ERAP1: variants seen among roughly 807,000 people sequenced by gnomAD.
ERAP1 encodes adipocyte-derived leucine aminopeptidase.
Under a neutral mutation model 103.7 loss-of-function variants are expected in ERAP1, and 86 were observed. The observed-to-expected ratio is 0.83, with a 90% CI of 0.70 to 0.99. ERAP1 has a LOEUF of 0.99. Ranked by LOEUF, ERAP1 falls within the 50% of genes least tolerant of loss-of-function variation. The pLI is 0.00. For missense variants in ERAP1, 1,009 were observed against 1,128.4 expected, an observed-to-expected ratio of 0.89 and a Z score of 1.52; for synonymous variants, 398 against 402.4, an observed-to-expected ratio of 0.99 and a Z score of 0.13.
chr5:96,790,437 CAT>C, intron 9 of ERAP1, 70 bp from the exon 10 acceptor site: 1 of 1,609,244 alleles, frequency 6.2e-7, no homozygotes, highest in Non-Finnish European at 8.5e-7. Context: ...GAGGGATTAA[CAT>C]AATGCAGGGA....
the ERAP1 span, among the ~76,000 whole-genome samples, chr5:96,913,126 A>G: frequency 6.6e-6 from 1 of 152,200 alleles, no homozygotes; most frequent in Non-Finnish European, 1.5e-5. Context: ...TAATAAGTAA[A>G]TGTTTTTGAT....
At chr5:96,859,546 C>G in the ERAP1 span, among the ~76,000 whole-genome samples, 3 of 152,116 alleles carry the variant, frequency 2.0e-5, no homozygotes, top group African/African-American at 7.2e-5. Flanking sequence ...CAATGTCACA[C>G]AAGCTGCACA....
chr5:96,885,538 A>G, the ERAP1 span, among the ~76,000 whole-genome samples: 1 of 152,246 alleles, frequency 6.6e-6, no homozygotes, highest in Non-Finnish European at 1.5e-5. Context: ...ATTTAGTAGC[A>G]AAAACATTTG....
the ERAP1 span, among the ~76,000 whole-genome samples, chr5:96,823,414 G>T: frequency 6.6e-6 from 1 of 152,236 alleles, no homozygotes; most frequent in African/African-American, 2.4e-5. Context: ...CCTCATTCGA[G>T]TCCACAGTAT....
chr5:96,795,105 C>T lies in ERAP1; in HGVS notation c.856G>A (p.Ala286Thr), dbSNP rs1777199783. 4 of 1,613,842 alleles carry T rather than the reference C, an allele frequency of 2.5e-6. No homozygotes were observed. The highest frequency in any genetic ancestry group is 3.4e-6 in the Non-Finnish European group (4 of 1,179,958). Residue 286 changes from alanine to threonine, a missense_variant, in exon 5 of 19, where the codon GCG becomes ACG. Ala to Thr is a moderately conservative substitution (Grantham distance 58). This residue lies in a region of ERAP1 where 392 missense variants were observed against 455.2 expected (regional missense o/e 0.86). Transcript: ENST00000443439. ...INQADYALDA[A>T]VTLLEFYEDY... ...TCATAAAATTCTAGAAGAGTCACCG[C>T]AGCATCCAGTGCATAATCTGCTTGA...
the ERAP1 span, among the ~76,000 whole-genome samples, chr5:96,863,862 T>G: frequency 6.6e-6 from 1 of 152,076 alleles, no homozygotes; most frequent in South Asian, 2.1e-4. Flanking sequence ...AAAAATCTCA[T>G]CTCAATCACT....
At chr5:96,932,962 A>G in the ERAP1 span, among the ~76,000 whole-genome samples, 1 of 152,144 alleles carries the variant, frequency 6.6e-6, no homozygotes, top group South Asian at 2.1e-4. Flanking sequence ...ATAATAACTT[A>G]AACTGTCATA....
chr5:96,877,355 G>T, the ERAP1 span, among the ~76,000 whole-genome samples: 22 of 152,338 alleles, frequency 1.4e-4, no homozygotes, highest in African/African-American at 5.1e-4. Context: ...AAGACTGTGT[G>T]AGTAAAGCTT....
the ERAP1 span, among the ~76,000 whole-genome samples, chr5:96,889,750 A>G: frequency 1.3e-5 from 2 of 152,026 alleles, no homozygotes; most frequent in Non-Finnish European, 2.9e-5. Context: ...CTTCTGTGGG[A>G]GGGAAACACA....
At chr5:96,813,368 CT>C in the ERAP1 span, among the ~76,000 whole-genome samples, 2 of 151,972 alleles carry the variant, frequency 1.3e-5, no homozygotes, top group South Asian at 4.2e-4. Flanking sequence ...TTAAAATGAC[CT>C]CTAGGCCAGG....
chr5:96,775,215 A>C lies in ERAP1; in HGVS notation c.*1181T>G. ...TTCTATTATTATCATCTATACATAA[A>C]ACCTGAGCAGCAACTGTGTGCTGAA... On this transcript the variant is annotated 3_prime_UTR_variant, in exon 19 of 19. Transcript: ENST00000443439. The C allele has an allele frequency of 1.0e-6, 1 of 985,582 alleles. No individual in the cohort carries two copies. Among genetic ancestry groups the C allele is most frequent in the Non-Finnish European group, 1.2e-6 (1 of 829,940 alleles). The allele number at this position is 985,582 out of a possible 1,614,324, so 61.1% of individuals were successfully genotyped here.
the ERAP1 span, among the ~76,000 whole-genome samples, chr5:96,829,071 C>T: frequency 6.6e-6 from 1 of 152,182 alleles, no homozygotes; most frequent in South Asian, 2.1e-4. Flanking sequence ...TGGTCTCAAT[C>T]TCCTGACCTT....
chr5:96,898,217 A>T, the ERAP1 span, among the ~76,000 whole-genome samples: 1 of 151,958 alleles, frequency 6.6e-6, no homozygotes, highest in Non-Finnish European at 1.5e-5. Flanking sequence ...TAATAACAAT[A>T]ATTAATAATA....
the ERAP1 span, among the ~76,000 whole-genome samples, chr5:96,853,021 AC>A: frequency 6.6e-6 from 1 of 151,672 alleles, no homozygotes; most frequent in Non-Finnish European, 1.5e-5. Context: ...TTTTATTAAA[AC>A]CCTTCTCTTG....
chr5:96,892,634 A>G, the ERAP1 span, among the ~76,000 whole-genome samples: 1 of 152,206 alleles, frequency 6.6e-6, no homozygotes, highest in Non-Finnish European at 1.5e-5. Context: ...TGGTGTGCAT[A>G]CTGGAATTTT....
the ERAP1 span, chr5:96,915,958 C>T: frequency 2.2e-6 from 1 of 463,232 alleles, no homozygotes; most frequent in South Asian, 3.0e-5. Context: ...CACAGTGGCT[C>T]ACACCTGTAA....
At chr5:96,794,046 C>T in intron 5 of ERAP1, 89 bp from the exon 6 acceptor site, 4 of 1,344,866 alleles carry the variant, frequency 3.0e-6, no homozygotes, top group Non-Finnish European at 4.3e-6. Flanking sequence ...GGTGTTTGAA[C>T]CAGCTGCCCG....
At chr5:96,773,990 A>T (rs1773378489), downstream of ERAP1, 1 of 152,482 alleles carries the variant, frequency 6.6e-6, no homozygotes, top group Admixed American at 6.5e-5. Flanking sequence ...AGTCATGCAC[A>T]TACCTATGGG....
chr5:96,785,761 A>C, intron 13 of ERAP1, 27 bp downstream of exon 13: 1 of 1,612,786 alleles, frequency 6.2e-7, no homozygotes, highest in Non-Finnish European at 8.5e-7. Flanking sequence ...TCAGAAATAA[A>C]CCGCGACTTT....
Sources: allele counts gnomAD v4.1 joint callset (sites outside exome capture counted in the v4.1 genomes callset), GRCh38; gene constraint gnomAD v4.1.1; regional missense constraint gnomAD v4.1.1; transcripts MANE v1.5; gene names NCBI Gene and HGNC (gene_info 2026-07-23, HGNC 2026-07-21).